Variants in GABRA3 observed in about 807,000 individuals in gnomAD.
The protein encoded by GABRA3 is gamma-aminobutyric acid receptor subunit alpha-3.
Under a neutral mutation model 30.1 loss-of-function variants are expected in GABRA3, and 10 were observed. That is an observed-to-expected ratio of 0.33 (90% CI 0.20 to 0.56). The LOEUF (loss-of-function observed/expected upper bound fraction) is 0.56. Among genes scored for constraint, GABRA3 ranks in the 20% least tolerant of loss-of-function variants. The pLI is 0.89. For missense variants in GABRA3, 233 were observed against 392.0 expected (o/e 0.59, Z 3.42); for synonymous variants, 151 against 146.8 (o/e 1.03, Z -0.21).
chrX:152,435,723 C>T (rs144147329), intron 1 of GABRA3, among the ~76,000 whole-genome samples: 105 of 110,247 alleles, frequency 9.5e-4, no homozygotes, highest in African/African-American at 3.4e-3. Context: ...TGCACATGTG[C>T]CCCAGAACTT....
chrX:152,369,478 G>C (rs943270442), intron 1 of GABRA3, among the ~76,000 whole-genome samples: 1 of 111,544 alleles, frequency 9.0e-6, no homozygotes, highest in African/African-American at 3.3e-5. Context: ...TTCAGCCACT[G>C]TGGCCTCCTT....
chrX:152,217,416 G>A (rs1032484105), intron 6 of GABRA3, among the ~76,000 whole-genome samples: 63 of 111,497 alleles, frequency 5.7e-4, no homozygotes, highest in African/African-American at 2.0e-3. Context: ...CTTGCCTATA[G>A]TTGTATTTTT....
intron 9 of GABRA3, among the ~76,000 whole-genome samples, chrX:152,171,577 C>T (rs866616619): frequency 3.6e-5 from 4 of 111,238 alleles, no homozygotes; most frequent in Non-Finnish European, 3.8e-5. Context: ...TAACTTTGAC[C>T]GAATTGTCAT....
intron 3 of GABRA3, among the ~76,000 whole-genome samples, chrX:152,342,850 C>A (rs1178761855): frequency 9.0e-6 from 1 of 111,250 alleles, no homozygotes; most frequent in Non-Finnish European, 1.9e-5. Context: ...AGTACCCTAC[C>A]CCATGTACCA....
At chrX:152,278,695 G>A (rs182223127) in intron 4 of GABRA3, among the ~76,000 whole-genome samples, 3 of 111,380 alleles carry the variant, frequency 2.7e-5, no homozygotes, top group East Asian at 2.8e-4. Flanking sequence ...ACTGACTTCC[G>A]CAATAGTTGA....
At chrX:152,239,389 T>C (rs2124399440) in intron 5 of GABRA3, among the ~76,000 whole-genome samples, 1 of 104,813 alleles carries the variant, frequency 9.5e-6, no homozygotes, top group African/African-American at 3.6e-5. Flanking sequence ...TCTTTTACAT[T>C]TGCTGAGGAG....
At chrX:152,203,771 T>A in intron 7 of GABRA3, among the ~76,000 whole-genome samples, 2 of 111,967 alleles carry the variant, frequency 1.8e-5, no homozygotes, top group Middle Eastern at 4.6e-3. Flanking sequence ...TCTTTTTGAC[T>A]CTGGTCTTCC....
In GABRA3 at chrX:152,332,789, A is replaced by T. The variant is rs760753011; in HGVS notation, c.262+12792T>A. On this transcript the variant is annotated intron_variant, in intron 3 of 9. Coordinates refer to ENST00000370314, the MANE Select transcript of GABRA3 (RefSeq NM_000808.4). Reference sequence around the variant, plus strand: ...CTGTGTAGACAAAAGCTGCCTTATAATGAGCAGGACCCAGGCCCTAGTGTT... The same window carrying T: ...CTGTGTAGACAAAAGCTGCCTTATATTGAGCAGGACCCAGGCCCTAGTGTT... 3.6e-5 allele frequency among the ~76,000 whole-genome samples: 4 copies of T among 112,417 alleles called. No homozygotes were observed. In the Admixed American group the frequency reaches 3.8e-4, roughly 11 times the overall value.
chrX:152,267,604 T>C (rs771229885), intron 4 of GABRA3, among the ~76,000 whole-genome samples: 98 of 111,457 alleles, frequency 8.8e-4, no homozygotes, highest in Non-Finnish European at 1.5e-3. Context: ...TTTTAAATGT[T>C]TGCTGGAATT....
chrX:152,386,036 A>C (rs1248867775), intron 1 of GABRA3, among the ~76,000 whole-genome samples: 2 of 109,218 alleles, frequency 1.8e-5, no homozygotes, highest in Admixed American at 2.0e-4. Context: ...TGATGCCTCC[A>C]GCTTTGTTCT....
chrX:152,419,315 G>A (rs1261928579), intron 1 of GABRA3, among the ~76,000 whole-genome samples: 1 of 109,987 alleles, frequency 9.1e-6, no homozygotes, highest in Admixed American at 9.7e-5. Context: ...AAAAATAAAT[G>A]TAACACACAA....
intron 1 of GABRA3, among the ~76,000 whole-genome samples, chrX:152,432,868 C>A (rs1274842018): frequency 9.0e-6 from 1 of 110,593 alleles, no homozygotes; most frequent in Non-Finnish European, 1.9e-5. Flanking sequence ...ATAAATCTAG[C>A]CACATATGAT....
At chrX:152,237,102 T>G (rs1375225653) in intron 5 of GABRA3, among the ~76,000 whole-genome samples, 1 of 110,923 alleles carries the variant, frequency 9.0e-6, no homozygotes, top group Non-Finnish European at 1.9e-5. Flanking sequence ...TTGCCTAGGT[T>G]TTCTTCTAGG....
chrX:152,266,436 T>C (rs1938825636), intron 4 of GABRA3, among the ~76,000 whole-genome samples: 1 of 112,290 alleles, frequency 8.9e-6, no homozygotes, highest in African/African-American at 3.2e-5. Context: ...CAACATCCCT[T>C]CATCATAAAA....
intron 3 of GABRA3, among the ~76,000 whole-genome samples, chrX:152,335,251 A>C (rs1940217008): frequency 9.0e-6 from 1 of 111,575 alleles, no homozygotes; most frequent in African/African-American, 3.3e-5. Context: ...GTCGTTCCTC[A>C]GAGAAAAGTG....
At chrX:152,247,361 C>T (rs998818667) in intron 5 of GABRA3, among the ~76,000 whole-genome samples, 3 of 111,510 alleles carry the variant, frequency 2.7e-5, no homozygotes, top group Non-Finnish European at 5.7e-5. Flanking sequence ...GAGTTCCAGA[C>T]CTGCATTTCC....
intron 1 of GABRA3, among the ~76,000 whole-genome samples, chrX:152,370,395 A>C: frequency 8.9e-6 from 1 of 111,799 alleles, no homozygotes; most frequent in Non-Finnish European, 1.9e-5. Flanking sequence ...CATTTGTCAC[A>C]ACTTGTCACC....
Position 152,167,923 on chromosome X carries a change from C to T in GABRA3, c.*305G>A, listed in dbSNP as rs1306740263. The stretch of plus-strand genomic sequence containing the variant: ...GTAGAATCTCTTGTTCTTTTTGCAG[C>T]GGGCAGAGTGCAATAAAATACATGC... On this transcript the variant is annotated 3_prime_UTR_variant, in exon 10 of 10. Coordinates refer to ENST00000370314, the MANE Select transcript of GABRA3 (RefSeq NM_000808.4). 2.3e-5 allele frequency: 7 copies of T among 298,946 alleles called. No homozygotes were observed. The highest frequency in any genetic ancestry group is 8.2e-5 in the South Asian group (1 of 12,192). The allele number at this position is 298,946 out of a possible 1,213,427, so 24.6% of individuals were successfully genotyped here.
intron 4 of GABRA3, among the ~76,000 whole-genome samples, chrX:152,266,284 T>C (rs576730393): frequency 2.7e-5 from 3 of 112,237 alleles, no homozygotes; most frequent in Middle Eastern, 9.3e-3. Context: ...TCACTCATCA[T>C]GTCCAAGTGG....
Sources: allele counts gnomAD v4.1 joint callset (sites outside exome capture counted in the v4.1 genomes callset), GRCh38; gene constraint gnomAD v4.1.1; transcripts MANE v1.5; gene names NCBI Gene and HGNC (gene_info 2026-07-23, HGNC 2026-07-21).